Variants in NTRK3 observed in about 807,000 individuals in gnomAD.
The protein encoded by NTRK3 is neurotrophic receptor tyrosine kinase 3.
NTRK3 carries 24 observed loss-of-function variants against 91.7 expected under a neutral mutation model. The observed-to-expected ratio is 0.26, with a 90% CI of 0.19 to 0.37. The LOEUF (loss-of-function observed/expected upper bound fraction) is 0.37, where lower values mean the gene tolerates loss of function less well. Among genes scored for constraint, NTRK3 ranks in the 10% least tolerant of loss-of-function variants. NTRK3 has a pLI of 1.00. For missense variants in NTRK3, 880 were observed against 1,068.9 expected, an observed-to-expected ratio of 0.82 and a Z score of 2.46; for synonymous variants, 483 against 404.0, an observed-to-expected ratio of 1.20 and a Z score of -2.34.
chr15:88,188,257 G>T (rs550146211), intron 3 of NTRK3, among the ~76,000 whole-genome samples: 2 of 152,192 alleles, frequency 1.3e-5, no homozygotes, highest in Non-Finnish European at 2.9e-5. Context: ...GGCACATCAG[G>T]TGCCCACTCC....
intron 3 of NTRK3, among the ~76,000 whole-genome samples, chr15:88,206,519 G>A (rs1273700474): frequency 2.0e-5 from 3 of 150,674 alleles, no homozygotes; most frequent in Non-Finnish European, 4.4e-5. Context: ...TTAGCCGGGC[G>A]CGGTGGCGGG....
chr15:87,921,459 T>C (rs894072001), intron 17 of NTRK3, among the ~76,000 whole-genome samples: 1 of 152,140 alleles, frequency 6.6e-6, no homozygotes, highest in African/African-American at 2.4e-5. Context: ...TAATCCTTTA[T>C]CACCAGTTAA....
chr15:88,040,056 TG>T (rs1314028901), intron 13 of NTRK3, among the ~76,000 whole-genome samples: 1 of 152,240 alleles, frequency 6.6e-6, no homozygotes, highest in African/African-American at 2.4e-5. Flanking sequence ...GGCTAAATTG[TG>T]GGAGCTAAGA....
intron 12 of NTRK3, 145 bp from the exon 13 acceptor site, chr15:88,126,518 A>G (rs1163466643): frequency 1.7e-6 from 1 of 603,534 alleles, no homozygotes; most frequent in Admixed American, 2.9e-5. Context: ...TAAGGTCTTT[A>G]GAAGAAGAAA....
intron 5 of NTRK3, among the ~76,000 whole-genome samples, chr15:88,147,693 C>T (rs2043014553): frequency 6.6e-6 from 1 of 152,030 alleles, no homozygotes; most frequent in South Asian, 2.1e-4. Context: ...TTCCATATCC[C>T]CTCCCCACAA....
rs112294808 is a variant in NTRK3, at chr15:88,154,771, G to T, written c.396-7368C>A. Among the ~76,000 whole-genome samples the T allele has an allele frequency of 2.8e-3, 425 of 152,162 alleles. 3 individuals carry two copies. The Middle Eastern group carries it at 0.031, about 11-fold the overall frequency. ...CAATATGTTCATGGGTATTTCAAGGGGAAAAAGATCATATTGCTTGAAAAT... is the reference window on the plus strand; with the variant it reads ...CAATATGTTCATGGGTATTTCAAGGTGAAAAAGATCATATTGCTTGAAAAT... On this transcript the variant is annotated intron_variant, in intron 5 of 18. Transcript: ENST00000394480.
At position 88,029,286 on chromosome 15, in the gene NTRK3, G is replaced by A. The variant is rs1455641578; in HGVS notation, c.1585+3571C>T. ...AATGTCAAATGCAGAGCCCTTGCTG[G>A]GAACATAGGTGTGGGGATGCAAGCA... On this transcript the variant is annotated intron_variant, in intron 14 of 18. Transcript: ENST00000394480. 6.6e-5 allele frequency among the ~76,000 whole-genome samples: 10 copies of A among 152,292 alleles called. No individual in the cohort carries two copies. In the East Asian group the frequency reaches 1.7e-3, roughly 27 times the overall value.
chr15:87,965,481 T>C (rs2072701791), intron 14 of NTRK3, among the ~76,000 whole-genome samples: 1 of 152,092 alleles, frequency 6.6e-6, no homozygotes, highest in Non-Finnish European at 1.5e-5. Flanking sequence ...ACCAGTCAAT[T>C]GTGGAGACCT....
chr15:87,929,701 C>T (rs1018622035), intron 16 of NTRK3, among the ~76,000 whole-genome samples: 4 of 152,196 alleles, frequency 2.6e-5, no homozygotes, highest in African/African-American at 7.2e-5. Flanking sequence ...TAATATTTCA[C>T]TGCTTCCTAG....
chr15:88,028,253 G>A (rs1463650986), intron 14 of NTRK3, among the ~76,000 whole-genome samples: 4 of 152,310 alleles, frequency 2.6e-5, no homozygotes, highest in Non-Finnish European at 2.9e-5. Context: ...ATGGTTGGAC[G>A]TGAGCCCATG....
chr15:88,237,994 G>A lies in NTRK3; in HGVS notation c.248+17912C>T, dbSNP rs904749980. On this transcript the variant is annotated intron_variant, in intron 3 of 18. Transcript: ENST00000394480. This position sits in a 1 kb window ranked among gnomAD's most constrained non-coding sequence, Gnocchi z 4.0. ...TTTAAAGAAGTAATTAAGTTTAAAT[G>A]AGGTGATTGGGGTAGCCCTAATTCA... 1.3e-5 allele frequency among the ~76,000 whole-genome samples: 2 copies of A among 152,156 alleles called. No individual in the cohort carries two copies. Among genetic ancestry groups the A allele is most frequent in the African/African-American group, 4.8e-5 (2 of 41,414 alleles).
intron 14 of NTRK3, chr15:87,981,438 T>G: frequency 1.2e-6 from 2 of 1,605,200 alleles, no homozygotes; most frequent in South Asian, 2.2e-5. Flanking sequence ...AAAGTATTTT[T>G]CTTAAGTGCA....
chr15:88,181,618 A>G (rs550093129), intron 5 of NTRK3, among the ~76,000 whole-genome samples: 1 of 152,324 alleles, frequency 6.6e-6, no homozygotes, highest in South Asian at 2.1e-4. Flanking sequence ...ACGACCTCGC[A>G]CCACAAGCTG....
At chr15:88,194,097 T>A (rs4887381) in intron 3 of NTRK3, among the ~76,000 whole-genome samples, 5 of 152,098 alleles carry the variant, frequency 3.3e-5, no homozygotes, top group Admixed American at 6.5e-5. Flanking sequence ...CATTTTACCC[T>A]GTTAACCACT....
At chr15:88,197,092 GACAAAAAAAAAAA>G (rs2047889486) in intron 3 of NTRK3, among the ~76,000 whole-genome samples, 1 of 15,568 alleles carries the variant, frequency 6.4e-5, no homozygotes, top group African/African-American at 1.2e-4. Context: ...GGTTGAGCAG[GACAAAAAAAAAAA>G]AAAAAAAAAA....
intron 13 of NTRK3, among the ~76,000 whole-genome samples, chr15:88,095,877 A>C (rs2049539112): frequency 6.6e-6 from 1 of 152,138 alleles, no homozygotes; most frequent in Non-Finnish European, 1.5e-5. Flanking sequence ...TAACCATAAC[A>C]CATTATCAAA....
intron 13 of NTRK3, among the ~76,000 whole-genome samples, chr15:88,085,012 A>G (rs1404724239): frequency 6.6e-6 from 1 of 152,222 alleles, no homozygotes; most frequent in Non-Finnish European, 1.5e-5. Context: ...AAGAGCAAGA[A>G]GAGAGTTTAG....
chr15:88,077,038 G>A (rs553246093), intron 13 of NTRK3, among the ~76,000 whole-genome samples: 5 of 152,226 alleles, frequency 3.3e-5, no homozygotes, highest in East Asian at 1.9e-4. Flanking sequence ...AGGTTGCAAC[G>A]AGCCGAGATC....
chr15:88,192,070 A>T (rs1351473099), intron 3 of NTRK3, among the ~76,000 whole-genome samples: 5 of 152,248 alleles, frequency 3.3e-5, no homozygotes, highest in African/African-American at 1.2e-4. Flanking sequence ...AGAAAGGAAC[A>T]TTCAGATCAT....
Sources: gnomAD v4.1 joint callset for allele counts (sites outside exome capture counted in the v4.1 genomes callset) on GRCh38, gnomAD v4.1.1 for gene constraint, Gnocchi (gnomAD v3.1) non-coding constraint, MANE v1.5 for transcripts, NCBI Gene and HGNC (gene_info 2026-07-23, HGNC 2026-07-21) for gene names.